Variants in WDR47 observed in about 807,000 individuals in gnomAD.
The protein encoded by WDR47 is WD repeat-containing protein 47.
In WDR47, 32 loss-of-function variants were observed where a neutral mutation model predicts 97.2. The observed-to-expected ratio is 0.33, with a 90% CI of 0.25 to 0.44. The LOEUF is 0.44. Among genes scored for constraint, WDR47 ranks in the 20% least tolerant of loss-of-function variants. The probability of loss-of-function intolerance (pLI) is 1.00; values close to 1 mark genes in which losing one functional copy is unlikely to be tolerated. For synonymous variants in WDR47, 375 were observed against 373.5 expected (o/e 1.00, Z -0.05); for missense variants, 782 against 1,102.3 (o/e 0.71, Z 4.11).
At chr1:108,977,095 G>T (rs1657960861) in intron 13 of WDR47, among the ~76,000 whole-genome samples, 1 of 152,152 alleles carries the variant, frequency 6.6e-6, no homozygotes, top group African/African-American at 2.4e-5. Context: ...GAGAGATGAT[G>T]GTGGTTTATG....
intron 13 of WDR47, among the ~76,000 whole-genome samples, chr1:108,976,288 T>C (rs1207572059): frequency 6.9e-6 from 1 of 144,832 alleles, no homozygotes; most frequent in Non-Finnish European, 1.5e-5. Flanking sequence ...GGCAGTTAAT[T>C]AAAATAAAGC....
intron 5 of WDR47, among the ~76,000 whole-genome samples, chr1:109,007,438 G>C (rs562801658): frequency 6.6e-6 from 1 of 152,018 alleles, no homozygotes; most frequent in Non-Finnish European, 1.5e-5. Flanking sequence ...TGGGATTACA[G>C]GTGTGAATCA....
chr1:108,972,075 T>C lies in WDR47; in HGVS notation c.2618-503A>G, dbSNP rs553028026. 1.0e-3 allele frequency among the ~76,000 whole-genome samples: 159 copies of C among 152,302 alleles called. 1 individual carries two copies. Among genetic ancestry groups the C allele is most frequent in the African/African-American group, 3.6e-3 (150 of 41,570 alleles). The stretch of plus-strand genomic sequence containing the variant: ...GTCATTCAATATCTCACTTGTCTGA[T>C]AGTCATCCTAATTTAAACTTGTCTA... On this transcript the variant is annotated intron_variant, in intron 14 of 14. Transcript: ENST00000369962.
chr1:109,040,399 A>T (rs1302982946), intron 1 of WDR47, among the ~76,000 whole-genome samples: 1 of 152,184 alleles, frequency 6.6e-6, no homozygotes, highest in African/African-American at 2.4e-5. Context: ...GTAGTAACAT[A>T]GGATAGTACC....
chr1:108,990,187 C>T (rs527559534), intron 9 of WDR47, among the ~76,000 whole-genome samples: 1 of 152,032 alleles, frequency 6.6e-6, no homozygotes, highest in Non-Finnish European at 1.5e-5. Flanking sequence ...CGTAGTCACA[C>T]CATGTCTCTA....
chr1:109,000,593 T>C (rs1326216601), intron 7 of WDR47, among the ~76,000 whole-genome samples: 1 of 148,104 alleles, frequency 6.8e-6, no homozygotes, highest in Non-Finnish European at 1.5e-5. Context: ...GGAGAATCCC[T>C]TCAGCTGGGG....
At chr1:109,038,456 G>C (rs528633418) in intron 1 of WDR47, among the ~76,000 whole-genome samples, 1 of 151,512 alleles carries the variant, frequency 6.6e-6, no homozygotes, top group Non-Finnish European at 1.5e-5. Context: ...AGGCAGGCAG[G>C]TCACTTGAGT....
rs1464404634 is a variant in WDR47, at chr1:109,032,293, CG to C, written c.-9-8773del. On this transcript the variant is annotated intron_variant, in intron 1 of 14. Transcript: ENST00000369962. ...TTGGGAGGCGGAGGCGGGTGGATCT[CG>C]AGGTCAGATCGAGACCATCCTGGCT... Among the ~76,000 whole-genome samples the C allele has an allele frequency of 1.5e-4, 20 of 134,352 alleles. 4 individuals carry two copies. Among genetic ancestry groups the C allele is most frequent in the African/African-American group, 4.3e-4 (16 of 37,534 alleles). 88.1% of individuals were successfully genotyped at this position (134,352 alleles called of 152,430 possible).
intron 7 of WDR47, among the ~76,000 whole-genome samples, chr1:109,001,237 G>C (rs767677891): frequency 6.6e-6 from 1 of 151,768 alleles, no homozygotes; most frequent in African/African-American, 2.4e-5. Context: ...TGCAGTGAGC[G>C]AAGATCGCGC....
At chr1:109,007,205 A>T (rs1660689192) in intron 5 of WDR47, among the ~76,000 whole-genome samples, 1 of 147,570 alleles carries the variant, frequency 6.8e-6, no homozygotes, top group Admixed American at 7.0e-5. Flanking sequence ...CCTGAAATAC[A>T]TTTTAAATGT....
chr1:109,035,220 T>A (rs542129084), intron 1 of WDR47, among the ~76,000 whole-genome samples: 1 of 136,676 alleles, frequency 7.3e-6, no homozygotes, highest in Admixed American at 8.2e-5. Context: ...CACTCCAGCC[T>A]GGGCAAAAGA....
Position 109,030,454 on chromosome 1 carries a change from A to G in WDR47, c.-9-6933T>C, listed in dbSNP as rs201239206. On this transcript the variant is annotated intron_variant, in intron 1 of 14. Transcript: ENST00000369962. Reference sequence around the variant, plus strand: ...GTTACTTAAACACACATTATGAAGGAAAAAAAACACAACAGGCCAAGAATT... The same window carrying G: ...GTTACTTAAACACACATTATGAAGGGAAAAAAACACAACAGGCCAAGAATT... 9.3e-5 allele frequency: 29 copies of G among 313,320 alleles called. No individual in the cohort carries two copies. In the East Asian group the frequency reaches 1.5e-3, roughly 16 times the overall value. 19.4% of individuals were successfully genotyped at this position (313,320 alleles called of 1,614,324 possible). A position where few individuals can be genotyped will look rare whatever the true frequency, so the allele number is the denominator to read the frequency against.
chr1:108,982,531 G>A, intron 12 of WDR47, 78 bp downstream of exon 12: 1 of 1,498,522 alleles, frequency 6.7e-7, no homozygotes, highest in Non-Finnish European at 8.9e-7. Context: ...CTGTCTCTTA[G>A]AAAAGAAAAT....
At chr1:109,038,395 C>T (rs879551027) in intron 1 of WDR47, among the ~76,000 whole-genome samples, 1 of 152,120 alleles carries the variant, frequency 6.6e-6, no homozygotes, top group Non-Finnish European at 1.5e-5. Flanking sequence ...TAAAAAATAT[C>T]GAGCCAGGTG....
intron 1 of WDR47, among the ~76,000 whole-genome samples, chr1:109,037,582 G>A (rs1173269542): frequency 1.5e-5 from 2 of 136,118 alleles, no homozygotes; most frequent in Non-Finnish European, 3.0e-5. Flanking sequence ...AGCTGAGATC[G>A]CACCACTGCA....
intron 1 of WDR47, among the ~76,000 whole-genome samples, chr1:109,040,272 C>A (rs915140817): frequency 6.6e-6 from 1 of 152,144 alleles, no homozygotes; most frequent in Non-Finnish European, 1.5e-5. Context: ...CACATCTTTT[C>A]ATAACTAAAG....
At chr1:108,986,459 A>G in intron 10 of WDR47, 64 bp downstream of exon 10, 2 of 1,404,052 alleles carry the variant, frequency 1.4e-6, no homozygotes, top group Non-Finnish European at 1.9e-6. Context: ...ATTCTGAAAA[A>G]GGAACCTATA....
intron 8 of WDR47, among the ~76,000 whole-genome samples, chr1:108,993,029 T>C (rs905559249): frequency 2.6e-5 from 4 of 152,176 alleles, no homozygotes; most frequent in African/African-American, 9.7e-5. Flanking sequence ...TATATCATCA[T>C]GAAGTTTCAG....
At chr1:109,015,671 C>T (rs954730185) in intron 3 of WDR47, among the ~76,000 whole-genome samples, 3 of 151,276 alleles carry the variant, frequency 2.0e-5, no homozygotes, top group African/African-American at 7.3e-5. Context: ...GCTGGCACAA[C>T]TAGAGGGAAG....
Sources: allele counts gnomAD v4.1 joint callset (sites outside exome capture counted in the v4.1 genomes callset), GRCh38; gene constraint gnomAD v4.1.1; transcripts MANE v1.5; gene names NCBI Gene and HGNC (gene_info 2026-07-23, HGNC 2026-07-21).